Variants in HHAT observed in about 807,000 individuals in gnomAD.
HHAT encodes the protein hedgehog acyltransferase, also known as protein-cysteine N-palmitoyltransferase HHAT.
In HHAT, 47 loss-of-function variants were observed where a neutral mutation model predicts 70.8. That is an observed-to-expected ratio of 0.66 (90% confidence interval 0.53 to 0.85). The LOEUF is 0.85. Ranked by LOEUF, HHAT falls within the 40% of genes least tolerant of loss-of-function variation. HHAT has a pLI of 0.00. For missense variants in HHAT, 609 were observed against 604.8 expected (o/e 1.01, Z -0.07); for synonymous variants, 228 against 247.6 (o/e 0.92, Z 0.74).
At chr1:210,537,718 G>A (rs1288520946) in intron 9 of HHAT, among the ~76,000 whole-genome samples, 1 of 152,240 alleles carries the variant, frequency 6.6e-6, no homozygotes, top group African/African-American at 2.4e-5. Context: ...GAGAATACCT[G>A]TTGGAAACTT....
chr1:210,492,385 T>C (rs1252227649), intron 8 of HHAT, among the ~76,000 whole-genome samples: 1 of 152,180 alleles, frequency 6.6e-6, no homozygotes, highest in African/African-American at 2.4e-5. Context: ...ATCTTGATCA[T>C]TTCTATATAT....
intron 11 of HHAT, 26 bp from the exon 12 acceptor site, chr1:210,674,262 C>T: frequency 6.3e-7 from 1 of 1,586,318 alleles, no homozygotes; most frequent in East Asian, 2.2e-5. Context: ...TCTAACTGCT[C>T]TTCCATCTCT....
chr1:210,668,425 G>A (rs1045191038), intron 11 of HHAT, among the ~76,000 whole-genome samples: 2 of 152,186 alleles, frequency 1.3e-5, no homozygotes, highest in African/African-American at 4.8e-5. Context: ...ATGGGGGTGG[G>A]TTTTCCTGTG....
chr1:210,519,503 C>T (rs1022423222), intron 9 of HHAT, among the ~76,000 whole-genome samples: 1 of 149,368 alleles, frequency 6.7e-6, no homozygotes, highest in Non-Finnish European at 1.5e-5. Context: ...TTTATCTGCA[C>T]ATCCTTGCCA....
intron 7 of HHAT, among the ~76,000 whole-genome samples, chr1:210,428,141 G>T (rs1472120069): frequency 1.3e-5 from 2 of 149,944 alleles, no homozygotes; most frequent in African/African-American, 5.0e-5. Context: ...TTGCATTTCC[G>T]TCCATCCACA....
At chr1:210,497,875 C>T (rs1490678650) in intron 8 of HHAT, among the ~76,000 whole-genome samples, 1 of 151,860 alleles carries the variant, frequency 6.6e-6, no homozygotes, top group African/African-American at 2.4e-5. Context: ...AAGCAATTCT[C>T]CTGCCTCAGC....
chr1:210,658,355 A>G (rs1676905732), intron 11 of HHAT, among the ~76,000 whole-genome samples: 1 of 152,116 alleles, frequency 6.6e-6, no homozygotes, highest in Non-Finnish European at 1.5e-5. Flanking sequence ...GTAGACTTTT[A>G]TATATTTGCA....
intron 11 of HHAT, among the ~76,000 whole-genome samples, chr1:210,634,756 C>T (rs904717099): frequency 9.2e-5 from 14 of 152,132 alleles, no homozygotes; most frequent in African/African-American, 1.9e-4. Context: ...ACTTTATGAC[C>T]GCGCTTTAAG....
chr1:210,404,828 T>C (rs1193600067), intron 6 of HHAT, 149 bp downstream of exon 6: 9 of 617,052 alleles, frequency 1.5e-5, no homozygotes, highest in South Asian at 6.1e-5. Flanking sequence ...TTTTTTGTAA[T>C]AGATGAAATA....
At chr1:210,607,852 A>C (rs888528026) in intron 10 of HHAT, among the ~76,000 whole-genome samples, 8 of 152,096 alleles carry the variant, frequency 5.3e-5, no homozygotes, top group Admixed American at 5.2e-4. Context: ...ACCCCCTAAC[A>C]ACCACACCCT....
chr1:210,501,147 C>T (rs186151592), intron 8 of HHAT, among the ~76,000 whole-genome samples: 11 of 152,234 alleles, frequency 7.2e-5, no homozygotes, highest in Non-Finnish European at 8.8e-5. Flanking sequence ...TGCTGGAGGA[C>T]CACACTCTGC....
intron 7 of HHAT, among the ~76,000 whole-genome samples, chr1:210,450,515 G>C (rs1227147762): frequency 2.0e-5 from 3 of 151,320 alleles, no homozygotes; most frequent in African/African-American, 4.9e-5. Flanking sequence ...AATTTTTTTT[G>C]AGATGGAGTC....
intron 3 of HHAT, among the ~76,000 whole-genome samples, chr1:210,371,700 G>A (rs1242318603): frequency 6.6e-6 from 1 of 152,160 alleles, no homozygotes; most frequent in Non-Finnish European, 1.5e-5. Flanking sequence ...TAATCTTTGA[G>A]GGGCTGCGGC....
intron 2 of HHAT, among the ~76,000 whole-genome samples, chr1:210,354,182 CTAAACATAATGTCTTT>C (rs1465010561): frequency 5.7e-4 from 80 of 140,314 alleles, no homozygotes; most frequent in African/African-American, 2.0e-3. Context: ...AAATAGATAA[CTAAACATAATGTCTTT>C]TTTTTTTTTT....
intron 9 of HHAT, among the ~76,000 whole-genome samples, chr1:210,561,085 C>A (rs1468597692): frequency 6.6e-6 from 1 of 152,104 alleles, no homozygotes; most frequent in African/African-American, 2.4e-5. Flanking sequence ...AATCCTTTGC[C>A]CCGTTCCAGT....
intron 11 of HHAT, among the ~76,000 whole-genome samples, chr1:210,667,526 A>G (rs183667757): frequency 3.9e-5 from 6 of 152,316 alleles, no homozygotes; most frequent in Admixed American, 3.9e-4. Context: ...TCCCAATGTT[A>G]TCTTTAAAAT....
intron 7 of HHAT, among the ~76,000 whole-genome samples, chr1:210,428,742 T>C (rs1452277206): frequency 6.6e-6 from 1 of 151,724 alleles, no homozygotes; most frequent in African/African-American, 2.4e-5. Flanking sequence ...TTTGGAAGGC[T>C]AAGGCGAGTG....
intron 8 of HHAT, among the ~76,000 whole-genome samples, chr1:210,482,518 C>T (rs1460220749): frequency 2.0e-5 from 3 of 152,180 alleles, no homozygotes; most frequent in Non-Finnish European, 2.9e-5. Context: ...ATAAAAGGTA[C>T]GTATGCTTCC....
intron 9 of HHAT, among the ~76,000 whole-genome samples, chr1:210,564,435 C>A (rs2095651339): frequency 6.6e-6 from 1 of 152,066 alleles, no homozygotes; most frequent in Non-Finnish European, 1.5e-5. Context: ...TCCATTGGAG[C>A]CACAGAAGCA....
Sources: allele counts gnomAD v4.1 joint callset (sites outside exome capture counted in the v4.1 genomes callset), GRCh38; gene constraint gnomAD v4.1.1; transcripts MANE v1.5; gene names NCBI Gene and HGNC (gene_info 2026-07-23, HGNC 2026-07-21).